Variants in RBFOX1 observed in about 807,000 individuals in gnomAD.
RBFOX1 encodes the protein RNA binding protein fox-1 homolog 1.
A neutral mutation model predicts 57.7 loss-of-function variants in RBFOX1; 8 were observed. The ratio of observed to expected loss-of-function variants is 0.14; its 90% CI spans 0.08 to 0.25. The LOEUF is 0.25. Ranked by LOEUF, RBFOX1 falls within the 10% of genes least tolerant of loss-of-function variation. RBFOX1 has a pLI of 1.00. For missense variants in RBFOX1, 611 were observed against 548.5 expected (o/e 1.11, Z -1.14); for synonymous variants, 326 against 222.4 (o/e 1.47, Z -4.15).
At chr16:6,366,821 C>G (rs1278550495) in intron 2 of RBFOX1, among the ~76,000 whole-genome samples, 1 of 152,152 alleles carries the variant, frequency 6.6e-6, no homozygotes, top group East Asian at 1.9e-4. Flanking sequence ...CTTTTGGTGT[C>G]AGGAATCTCT....
intron 1 of RBFOX1, among the ~76,000 whole-genome samples, chr16:6,310,957 A>G (rs1332977376): frequency 6.6e-6 from 1 of 152,016 alleles, no homozygotes; most frequent in Non-Finnish European, 1.5e-5. Context: ...AGTAGTGCAC[A>G]GGCACAGTGT....
intron 3 of RBFOX1, among the ~76,000 whole-genome samples, chr16:6,853,345 T>C (rs1184416404): frequency 6.6e-6 from 1 of 152,162 alleles, no homozygotes; most frequent in Non-Finnish European, 1.5e-5. Context: ...GGCATACCTC[T>C]GTGCATTGTA....
chr16:7,495,778 A>C (rs988268986), intron 4 of RBFOX1, among the ~76,000 whole-genome samples: 7 of 152,228 alleles, frequency 4.6e-5, no homozygotes, highest in African/African-American at 1.7e-4. Flanking sequence ...TAACGGGTGC[A>C]CCAAAATCTC....
intron 3 of RBFOX1, among the ~76,000 whole-genome samples, chr16:5,713,106 C>G (rs1028755429): frequency 1.3e-5 from 2 of 152,192 alleles, no homozygotes; most frequent in Admixed American, 1.3e-4. Flanking sequence ...GCATCCAAAA[C>G]TTTTCTCTAG....
At chr16:6,536,163 C>G (rs1384172167) in intron 2 of RBFOX1, among the ~76,000 whole-genome samples, 1 of 152,168 alleles carries the variant, frequency 6.6e-6, no homozygotes, top group Non-Finnish European at 1.5e-5. Context: ...ACAATCATCA[C>G]AAGACTACAG....
chr16:5,411,628 C>T (rs1183580506), intron 1 of RBFOX1, among the ~76,000 whole-genome samples: 1 of 152,124 alleles, frequency 6.6e-6, no homozygotes, highest in Non-Finnish European at 1.5e-5. Context: ...TGGCCGGGTG[C>T]AGTGACTGAC....
intron 4 of RBFOX1, among the ~76,000 whole-genome samples, chr16:7,177,986 T>C (rs543291191): frequency 6.6e-6 from 1 of 152,276 alleles, no homozygotes; most frequent in South Asian, 2.1e-4. Context: ...CTCTGGTTCC[T>C]TTCTTCTGAC....
intron 3 of RBFOX1, among the ~76,000 whole-genome samples, chr16:5,743,508 G>C (rs2052859160): frequency 1.3e-5 from 2 of 152,164 alleles, no homozygotes; most frequent in Non-Finnish European, 2.9e-5. Context: ...TAGTCACTCA[G>C]CACGTAAAAC....
intron 4 of RBFOX1, among the ~76,000 whole-genome samples, chr16:7,214,162 C>T (rs970517969): frequency 6.6e-6 from 1 of 152,054 alleles, no homozygotes; most frequent in Non-Finnish European, 1.5e-5. Context: ...GAATTATTAT[C>T]TTTCTAATGA....
At chr16:7,493,658 C>T (rs1206873073) in intron 4 of RBFOX1, among the ~76,000 whole-genome samples, 1 of 152,050 alleles carries the variant, frequency 6.6e-6, no homozygotes, top group Non-Finnish European at 1.5e-5. Context: ...AGAAAGAGAC[C>T]ACAAGGTAAG....
intron 4 of RBFOX1, among the ~76,000 whole-genome samples, chr16:7,513,906 G>A (rs1242256299): frequency 1.3e-5 from 2 of 152,138 alleles, no homozygotes; most frequent in Admixed American, 6.5e-5. Context: ...CTGACCCACT[G>A]TTTTTGCACC....
chr16:6,635,942 T>C (rs2098427706), intron 2 of RBFOX1, among the ~76,000 whole-genome samples: 2 of 152,194 alleles, frequency 1.3e-5, no homozygotes, highest in South Asian at 2.1e-4. Context: ...TGAGGTATCT[T>C]GGGGATGGGA....
At chr16:6,281,347 C>T (rs987181086) in intron 1 of RBFOX1, among the ~76,000 whole-genome samples, 2 of 151,944 alleles carry the variant, frequency 1.3e-5, no homozygotes. Context: ...TTATGCACAC[C>T]GGGAAGTGTT....
At chr16:6,117,560 TA>T (rs1230276325) in intron 1 of RBFOX1, among the ~76,000 whole-genome samples, 1 of 152,272 alleles carries the variant, frequency 6.6e-6, no homozygotes, top group African/African-American at 2.4e-5. Flanking sequence ...AGGCTTCTGG[TA>T]GCATTTGGCT....
chr16:6,778,001 T>C (rs1301170052), intron 3 of RBFOX1, among the ~76,000 whole-genome samples: 1 of 152,142 alleles, frequency 6.6e-6, no homozygotes, highest in Non-Finnish European at 1.5e-5. Context: ...CTCATATAAA[T>C]ATACATTTAT....
chr16:7,147,679 A>G (rs913731522), intron 4 of RBFOX1, among the ~76,000 whole-genome samples: 15 of 152,216 alleles, frequency 9.9e-5, no homozygotes, highest in African/African-American at 2.9e-4. Context: ...ATAGTATTCC[A>G]TGTTGTGTAT....
chr16:6,958,231 G>A (rs368901807), intron 3 of RBFOX1, among the ~76,000 whole-genome samples: 1 of 152,198 alleles, frequency 6.6e-6, no homozygotes, highest in Admixed American at 6.5e-5. Flanking sequence ...CGTCTTTGCT[G>A]AGCCCTGCAC....
intron 2 of RBFOX1, among the ~76,000 whole-genome samples, chr16:6,563,551 G>A (rs192448944): frequency 2.0e-5 from 3 of 152,218 alleles, no homozygotes; most frequent in Middle Eastern, 3.4e-3. Context: ...TGGGTAAGCC[G>A]ATAAAAAGAT....
chr16:5,551,405 T>C (rs565300038), intron 2 of RBFOX1, among the ~76,000 whole-genome samples: 19 of 152,186 alleles, frequency 1.2e-4, no homozygotes, highest in Non-Finnish European at 2.6e-4. Context: ...GAGCTGCTAG[T>C]ATATGCACAG....
Sources: allele counts gnomAD v4.1 joint callset (sites outside exome capture counted in the v4.1 genomes callset), GRCh38; gene constraint gnomAD v4.1.1; transcripts MANE v1.5; gene names NCBI Gene and HGNC (gene_info 2026-07-23, HGNC 2026-07-21).